The following PRKN variants were observed in gnomAD, a reference collection of about 807,000 sequenced individuals.
PRKN encodes E3 ubiquitin-protein ligase parkin.
In PRKN, 56 loss-of-function variants were observed where a neutral mutation model predicts 59.5. That is an observed-to-expected ratio of 0.94 (90% CI 0.76 to 1.18). PRKN has a LOEUF of 1.18. Ranked by LOEUF, PRKN falls within the 50% of genes most tolerant of loss-of-function variation. The pLI is 0.00. For missense variants in PRKN, 657 were observed against 596.4 expected (o/e 1.10, Z -1.06); for synonymous variants, 250 against 222.1 (o/e 1.13, Z -1.12).
chr6:162,468,948 G>T (rs1381954875), intron 1 of PRKN, among the ~76,000 whole-genome samples: 1 of 152,084 alleles, frequency 6.6e-6, no homozygotes, highest in African/African-American at 2.4e-5. Context: ...TATCTCAAAG[G>T]CTGGAATGAA....
Position 162,498,903 on chromosome 6 carries a change from T to C in PRKN, c.8-55430A>G, listed in dbSNP as rs573378810. ...GGCAAGATGCTACTGAAAATGATCATTGTCTAGGTATGACTGAAAAAACAA... is the reference window on the plus strand; with the variant it reads ...GGCAAGATGCTACTGAAAATGATCACTGTCTAGGTATGACTGAAAAAACAA... On this transcript the variant is annotated intron_variant, in intron 1 of 11. Transcript: ENST00000366898. 1.1e-4 allele frequency among the ~76,000 whole-genome samples: 17 copies of C among 152,302 alleles called. No homozygotes were observed. The East Asian group carries it at 3.1e-3, about 28-fold the overall frequency.
chr6:161,559,972 C>T (rs1780394078), intron 8 of PRKN, among the ~76,000 whole-genome samples: 1 of 149,314 alleles, frequency 6.7e-6, no homozygotes, highest in African/African-American at 2.4e-5. Context: ...GCACAGGTAA[C>T]AACAGCCAGG....
chr6:161,466,633 G>A lies in PRKN; in HGVS notation c.1084-79756C>T, dbSNP rs1227388858. Among the ~76,000 whole-genome samples, 2 of 152,152 alleles carry A rather than the reference G, an allele frequency of 1.3e-5. No homozygotes were observed. Among genetic ancestry groups the A allele is most frequent in the South Asian group, 2.1e-4 (1 of 4,830 alleles). On this transcript the variant is annotated intron_variant, in intron 9 of 11. Coordinates refer to ENST00000366898, the MANE Select transcript of PRKN (RefSeq NM_004562.3). The surrounding 1 kb of genome is among the most constrained non-coding windows in gnomAD (Gnocchi z 5.0). ...GAGATTTGCCATCCTCTCTGGTAAGGACTGCACTCAAAGTAACAGGAGGGC... is the reference window on the plus strand; with the variant it reads ...GAGATTTGCCATCCTCTCTGGTAAGAACTGCACTCAAAGTAACAGGAGGGC...
chr6:162,146,237 G>A (rs1327385975), intron 4 of PRKN, among the ~76,000 whole-genome samples: 1 of 152,010 alleles, frequency 6.6e-6, no homozygotes, highest in Non-Finnish European at 1.5e-5. Context: ...GGACAGTCTG[G>A]CCCATGACGA....
At chr6:162,375,664 G>C (rs1786023256) in intron 2 of PRKN, among the ~76,000 whole-genome samples, 1 of 151,644 alleles carries the variant, frequency 6.6e-6, no homozygotes. Flanking sequence ...AGGGATACTA[G>C]ACATGTACTT....
At chr6:162,620,574 T>C (rs1351750540) in intron 1 of PRKN, among the ~76,000 whole-genome samples, 1 of 152,232 alleles carries the variant, frequency 6.6e-6, no homozygotes, top group Non-Finnish European at 1.5e-5. Flanking sequence ...GTTTCAGGCC[T>C]TCATGTATTA....
intron 7 of PRKN, among the ~76,000 whole-genome samples, chr6:161,618,715 C>T (rs1158837664): frequency 1.3e-5 from 2 of 152,216 alleles, no homozygotes; most frequent in South Asian, 2.1e-4. Flanking sequence ...AATTATCTCT[C>T]ACACACTCAA....
At chr6:162,215,533 C>T (rs985159945) in intron 3 of PRKN, among the ~76,000 whole-genome samples, 2 of 152,070 alleles carry the variant, frequency 1.3e-5, no homozygotes, top group Non-Finnish European at 2.9e-5. Context: ...TGAATGTTGT[C>T]AAAAGATTAA....
chr6:162,422,648 G>GAGTCATAAGA (rs1282246125), intron 2 of PRKN, among the ~76,000 whole-genome samples: 1 of 152,136 alleles, frequency 6.6e-6, no homozygotes, highest in Non-Finnish European at 1.5e-5. Context: ...AGGACATTAA[G>GAGTCATAAGA]AGTCATAAGA....
intron 1 of PRKN, among the ~76,000 whole-genome samples, chr6:162,712,818 A>G (rs925890836): frequency 5.3e-5 from 8 of 152,176 alleles, no homozygotes; most frequent in African/African-American, 1.9e-4. Flanking sequence ...AGCAAGAGAA[A>G]ACTATTAACA....
chr6:162,166,842 A>G (rs1783010423), intron 4 of PRKN, among the ~76,000 whole-genome samples: 1 of 152,136 alleles, frequency 6.6e-6, no homozygotes, highest in Non-Finnish European at 1.5e-5. Context: ...ATAGCTCCTC[A>G]GATGCCCAAT....
intron 7 of PRKN, among the ~76,000 whole-genome samples, chr6:161,710,920 T>G (rs1264826103): frequency 9.9e-6 from 1 of 101,016 alleles, no homozygotes; most frequent in Admixed American, 1.2e-4. Flanking sequence ...TTTCCTTCCT[T>G]CCTCACCCCT....
At chr6:162,076,506 T>C (rs950571137) in intron 4 of PRKN, among the ~76,000 whole-genome samples, 10 of 152,072 alleles carry the variant, frequency 6.6e-5, no homozygotes, top group Non-Finnish European at 1.2e-4. Context: ...TTTCCCCCGA[T>C]TGTGTTATAA....
chr6:161,362,086 T>C lies in PRKN; in HGVS notation c.1168-1881A>G, dbSNP rs1784997047. Among the ~76,000 whole-genome samples the C allele has an allele frequency of 6.6e-6, 1 of 152,172 alleles. No individual in the cohort carries two copies. Among genetic ancestry groups the C allele is most frequent in the African/African-American group, 2.4e-5 (1 of 41,450 alleles). ...TTTAGATTGCTTGTTGGTGGCAAGT[T>C]GGTAAGTCATACAAATTGGAGAAAA... On this transcript the variant is annotated intron_variant, in intron 10 of 11. Transcript: ENST00000366898. This position sits in a 1 kb window ranked among gnomAD's most constrained non-coding sequence, Gnocchi z 5.2.
intron 2 of PRKN, among the ~76,000 whole-genome samples, chr6:162,349,679 G>A (rs1180982722): frequency 6.6e-6 from 1 of 152,132 alleles, no homozygotes; most frequent in Non-Finnish European, 1.5e-5. Context: ...ATGCAAAACG[G>A]GAAGAGAAGT....
At chr6:162,338,411 C>T (rs1783951719) in intron 2 of PRKN, among the ~76,000 whole-genome samples, 1 of 152,126 alleles carries the variant, frequency 6.6e-6, no homozygotes, top group African/African-American at 2.4e-5. Flanking sequence ...TGCAGGCACG[C>T]GCCGCCATGC....
intron 5 of PRKN, among the ~76,000 whole-genome samples, chr6:161,980,474 T>C (rs111930989): frequency 0.01 from 1,595 of 152,260 alleles, 26 homozygotes; most frequent in African/African-American, 0.035. Flanking sequence ...ACTGACGGAA[T>C]TGAATGAGAT....
rs185332852 is a variant in PRKN at position 161,757,509 on chromosome 6, C to T, written c.871+28263G>A. ...GCAAAAGATTTTAACAGGCACTTCA[C>T]CAAAGAAAGTAAGAGAATGGCAAAT... is the stretch of plus-strand genomic sequence containing the variant. On this transcript the variant is annotated intron_variant, in intron 7 of 11. Coordinates refer to ENST00000366898, the MANE Select transcript of PRKN (RefSeq NM_004562.3). 1.3e-3 allele frequency among the ~76,000 whole-genome samples: 199 copies of T among 152,000 alleles called. 1 individual carries two copies. The highest frequency in any genetic ancestry group is 4.6e-3 in the African/African-American group (190 of 41,440).
At chr6:161,594,926 A>G (rs1781859936) in intron 7 of PRKN, among the ~76,000 whole-genome samples, 1 of 152,250 alleles carries the variant, frequency 6.6e-6, no homozygotes. Flanking sequence ...AAGCAGGGAT[A>G]CCTAAACGAA....
Sources: gnomAD v4.1 joint callset for allele counts (sites outside exome capture counted in the v4.1 genomes callset) on GRCh38, gnomAD v4.1.1 for gene constraint, Gnocchi (gnomAD v3.1) non-coding constraint, MANE v1.5 for transcripts, NCBI Gene and HGNC (gene_info 2026-07-23, HGNC 2026-07-21) for gene names.